Variants in MTHFD1 observed in about 807,000 individuals in gnomAD.
The protein encoded by MTHFD1 is C-1-tetrahydrofolate synthase, cytoplasmic.
Under a neutral mutation model 110.3 loss-of-function variants are expected in MTHFD1, and 44 were observed. The observed-to-expected ratio is 0.40, with a 90% CI of 0.31 to 0.51. The LOEUF (loss-of-function observed/expected upper bound fraction) is 0.51. Ranked by LOEUF, MTHFD1 falls within the 20% of genes least tolerant of loss-of-function variation. The probability of loss-of-function intolerance (pLI) is 0.60; values close to 1 mark genes in which losing one functional copy is unlikely to be tolerated. For synonymous variants in MTHFD1, 402 were observed against 428.8 expected (o/e 0.94, Z 0.77); for missense variants, 909 against 1,173.1 (o/e 0.77, Z 3.29).
intron 22 of MTHFD1, 102 bp downstream of exon 22, chr14:64,444,836 AC>A: frequency 7.4e-7 from 1 of 1,350,292 alleles, no homozygotes; most frequent in Non-Finnish European, 1.1e-6. Flanking sequence ...TATTGCTGTG[AC>A]CCAGGGTGCA....
chr14:64,422,766 G>A (rs1254533959), intron 8 of MTHFD1, among the ~76,000 whole-genome samples: 1 of 152,100 alleles, frequency 6.6e-6, no homozygotes, highest in African/African-American at 2.4e-5. Context: ...GAAATTCTAG[G>A]GCTGGGGGTA....
At chr14:64,454,694 G>T (rs1180324245) in intron 25 of MTHFD1, 29 bp from the exon 26 acceptor site, 3 of 1,598,596 alleles carry the variant, frequency 1.9e-6, no homozygotes, top group Non-Finnish European at 2.6e-6. Flanking sequence ...CTTTTCATTT[G>T]TCCTCCCTCT....
chr14:64,421,807 A>G (rs2078074830), intron 8 of MTHFD1, among the ~76,000 whole-genome samples: 1 of 151,762 alleles, frequency 6.6e-6, no homozygotes, highest in Admixed American at 6.6e-5. Flanking sequence ...TTGTATTTTT[A>G]GTAGAGACGG....
rs187103050 is a variant in MTHFD1 at position 64,390,701 on chromosome 14, T to G, written c.41+2233T>G. ...TTCACTCTTGTTGCCCAGGCTGGAG[T>G]GCAATGGCATGATCTTGGCTCACTG... On this transcript the variant is annotated intron_variant, in intron 1 of 27. Coordinates refer to ENST00000652337, the MANE Select transcript of MTHFD1 (RefSeq NM_005956.4). 5.1e-4 allele frequency among the ~76,000 whole-genome samples: 78 copies of G among 152,170 alleles called. 1 individual carries two copies. The East Asian group carries it at 0.013, about 26-fold the overall frequency.
At chr14:64,453,307 C>T (rs1186884522) in intron 24 of MTHFD1, among the ~76,000 whole-genome samples, 1 of 152,094 alleles carries the variant, frequency 6.6e-6, no homozygotes, top group Admixed American at 6.5e-5. Flanking sequence ...TGCAGTGGCT[C>T]ACACCTGTAA....
chr14:64,444,388 T>C (rs1433255351), intron 21 of MTHFD1, among the ~76,000 whole-genome samples: 4 of 152,062 alleles, frequency 2.6e-5, no homozygotes, highest in Non-Finnish European at 5.9e-5. Context: ...CCCACTGCTA[T>C]GGCCTTCACT....
intron 1 of MTHFD1, among the ~76,000 whole-genome samples, chr14:64,399,285 A>G (rs149623046): frequency 1.3e-5 from 2 of 152,322 alleles, no homozygotes; most frequent in South Asian, 2.1e-4. Flanking sequence ...TTTATTTACT[A>G]TATGATTTTG....
chr14:64,424,709 T>G (rs2140963019), intron 8 of MTHFD1, 95 bp from the exon 9 acceptor site: 1 of 1,395,720 alleles, frequency 7.2e-7, no homozygotes, highest in Non-Finnish European at 1.0e-6. Flanking sequence ...CTGATGGGAC[T>G]AACACACCCT....
chr14:64,450,811 G>A (rs1419407224), intron 24 of MTHFD1, among the ~76,000 whole-genome samples: 2 of 151,754 alleles, frequency 1.3e-5, no homozygotes, highest in East Asian at 1.9e-4. Flanking sequence ...GGACCCAAGT[G>A]GTCCTCCCAC....
chr14:64,435,514 G>A lies in MTHFD1; in HGVS notation c.1495-55G>A, dbSNP rs1304185041. 35 of 1,239,190 alleles carry A rather than the reference G, an allele frequency of 2.8e-5. No homozygotes were observed. The East Asian group carries it at 4.0e-4, about 14-fold the overall frequency. The allele number at this position is 1,239,190 out of a possible 1,614,324, so 76.8% of individuals were successfully genotyped here. On this transcript the variant is annotated intron_variant, in intron 15 of 27. Transcript: ENST00000652337. The stretch of plus-strand genomic sequence containing the variant: ...GTAGGGGTCAAAATTTTTGTCTTAC[G>A]TTTATTGTGCTTCTGTTTGTCTTAT...
chr14:64,411,689 C>T (rs113410851), intron 3 of MTHFD1, among the ~76,000 whole-genome samples: 3,848 of 152,210 alleles, frequency 0.025, 88 homozygotes, highest in Non-Finnish European at 0.041. Flanking sequence ...CACCTGAGGT[C>T]GGGAGTTTTA....
intron 9 of MTHFD1, 34 bp downstream of exon 9, chr14:64,424,965 G>A: frequency 6.2e-7 from 1 of 1,613,696 alleles, no homozygotes; most frequent in Non-Finnish European, 8.5e-7. Context: ...TAAGAGTTCT[G>A]AAAAGCTGAT....
rs199501976 is a variant in MTHFD1, at chr14:64,418,008, C to T, written c.599C>T (p.Ala200Val). Residue 200 changes from alanine (A) to valine (V), a missense_variant, in exon 7 of 28, where the codon GCC becomes GTC. Transcript: ENST00000652337. Reference protein sequence around the residue: ...ATVTTCHSKTAHLDEEVNKGD... With the variant: ...ATVTTCHSKTVHLDEEVNKGD... Reference sequence around the variant, plus strand: ...GTGACCACCTGCCACTCCAAGACTGCCCATCTGGATGAGGAGGTAGGGTGT... The same window carrying T: ...GTGACCACCTGCCACTCCAAGACTGTCCATCTGGATGAGGAGGTAGGGTGT... The T allele has an allele frequency of 1.3e-4, 206 of 1,613,976 alleles. No homozygotes were observed. Among genetic ancestry groups the T allele is most frequent in the Middle Eastern group, 1.6e-4 (1 of 6,084 alleles).
At position 64,424,918 on chromosome 14, in the gene MTHFD1, C is replaced by G. The variant is rs149016077; in HGVS notation, c.842C>G (p.Ala281Gly). 9 of 1,614,068 alleles carry G rather than the reference C, an allele frequency of 5.6e-6. No homozygotes were observed. The African/African-American group carries it at 8.0e-5, about 14-fold the overall frequency. ...VPGGVGPMTV[A>G]MLMQSTVESA... The stretch of plus-strand genomic sequence containing the variant: ...GGCGGCGTAGGGCCCATGACAGTTG[C>G]AATGCTCATGCAGGTAATTGTGAAT... Residue 281 changes from alanine to glycine, a missense_variant, in exon 9 of 28, where the codon GCA (alanine) becomes GGA (glycine). Physicochemically the swap from Ala to Gly is moderately conservative, Grantham distance 60 (BLOSUM62 0). Around this residue, in one of 3 missense-constraint regions of MTHFD1, gnomAD observed 424 missense variants for 510.4 expected, o/e 0.83. Transcript: ENST00000652337.
In MTHFD1 at chr14:64,419,844, A is replaced by G. The variant is rs760086582; in HGVS notation, c.646A>G (p.Thr216Ala). 1.3e-5 allele frequency: 21 copies of G among 1,613,990 alleles called. No homozygotes were observed. Among genetic ancestry groups the G allele is most frequent in the Admixed American group, 5.0e-5 (3 of 60,002 alleles). ...TAAAGGTGACATCCTGGTGGTTGCA[A>G]CTGGTCAGCCTGAAATGGTTAAAGG... ...VNKGDILVVATGQPEMVKGEW... is the reference protein window; with the variant it reads ...VNKGDILVVAAGQPEMVKGEW... The change falls in exon 8 of 28, where the codon ACT becomes GCT. Residue 216 changes from threonine to alanine, a missense_variant. This residue lies in a region of MTHFD1 where 424 missense variants were observed against 510.4 expected (regional missense o/e 0.83). Coordinates refer to ENST00000652337, the MANE Select transcript of MTHFD1 (RefSeq NM_005956.4).
rs142181228 is a variant in MTHFD1, at chr14:64,408,589, A to G, written c.127-2501A>G. 1.9e-3 allele frequency among the ~76,000 whole-genome samples: 294 copies of G among 152,324 alleles called. 6 individuals are homozygous for G. The East Asian group carries it at 0.023, about 12-fold the overall frequency. On this transcript the variant is annotated intron_variant, in intron 2 of 27. Coordinates refer to ENST00000652337, the MANE Select transcript of MTHFD1 (RefSeq NM_005956.4). ...CAGGCGTGAGCCACCATGCCCGGCC[A>G]GAATACACGTTCTTTAAACATTCTT...
In MTHFD1 at chr14:64,421,090, C is replaced by G. The variant is rs3825646; in HGVS notation, c.727+1165C>G. 1.4e-4 allele frequency among the ~76,000 whole-genome samples: 21 copies of G among 152,330 alleles called. No individual in the cohort carries two copies. In the East Asian group the frequency reaches 4.1e-3, roughly 29 times the overall value. ...TCACCTTCAGCTGCTTCCTCCCCAT[C>G]TCCTCTCTGTCATGTCTGTTATTCC... On this transcript the variant is annotated intron_variant, in intron 8 of 27. Coordinates refer to ENST00000652337, the MANE Select transcript of MTHFD1 (RefSeq NM_005956.4).
At chr14:64,401,355 C>T (rs1342134850) in intron 2 of MTHFD1, among the ~76,000 whole-genome samples, 2 of 152,046 alleles carry the variant, frequency 1.3e-5, no homozygotes, top group African/African-American at 4.8e-5. Context: ...GATGTAAGAC[C>T]TCAAGAAGCT....
At chr14:64,444,847 A>G (rs2140977802) in intron 22 of MTHFD1, 113 bp downstream of exon 22, 1 of 1,192,014 alleles carries the variant, frequency 8.4e-7, no homozygotes, top group Non-Finnish European at 1.3e-6. Flanking sequence ...CCCAGGGTGC[A>G]GGGTGCCAAA....
Sources: gnomAD v4.1 joint callset for allele counts (sites outside exome capture counted in the v4.1 genomes callset) on GRCh38, gnomAD v4.1.1 for gene constraint, gnomAD v4.1.1 regional missense constraint, MANE v1.5 for transcripts, NCBI Gene and HGNC (gene_info 2026-07-23, HGNC 2026-07-21) for gene names.